The following BRD9 variants were observed in gnomAD, a reference collection of about 807,000 sequenced individuals.
BRD9 encodes bromodomain-containing protein 9.
In BRD9, 47 loss-of-function variants were observed where a neutral mutation model predicts 68.7. The ratio of observed to expected loss-of-function variants is 0.68; its 90% CI spans 0.54 to 0.87. The LOEUF is 0.87. Ranked by LOEUF, BRD9 falls within the 40% of genes least tolerant of loss-of-function variation. BRD9 has a pLI of 0.00. For synonymous variants in BRD9, 313 were observed against 293.9 expected, an observed-to-expected ratio of 1.06 and a Z score of -0.67; for missense variants, 670 against 748.4, an observed-to-expected ratio of 0.90 and a Z score of 1.22.
intron 3 of BRD9, 98 bp from the exon 4 acceptor site, chr5:889,745 G>A (rs368833759): frequency 2.0e-4 from 307 of 1,566,128 alleles, no homozygotes; most frequent in Non-Finnish European, 2.5e-4. Flanking sequence ...GTGTCTCACA[G>A]CATTTTAAGT....
At chr5:883,898 G>T in intron 8 of BRD9, 40 bp downstream of exon 8, 1 of 1,597,912 alleles carries the variant, frequency 6.3e-7, no homozygotes. Flanking sequence ...GAGAGTCTGG[G>T]GCCACGTGGC....
chr5:891,902 C>T, intron 1 of BRD9, 48 bp from the exon 2 acceptor site: 2 of 1,545,778 alleles, frequency 1.3e-6, no homozygotes, highest in Non-Finnish European at 8.7e-7. Flanking sequence ...GGTGCAAACG[C>T]CACGCAGCCA....
chr5:870,292 G>A (rs1318761993), intron 14 of BRD9, 181 bp downstream of exon 14: 4 of 590,548 alleles, frequency 6.8e-6, no homozygotes, highest in Non-Finnish European at 9.1e-6. Flanking sequence ...CAACACTCAG[G>A]AGATTCCAAG....
intron 11 of BRD9, among the ~76,000 whole-genome samples, chr5:876,525 G>A (rs751235611): frequency 1.3e-5 from 2 of 152,164 alleles, no homozygotes. Context: ...CTCGTTATGC[G>A]TTTAAAAACA....
At chr5:870,843 C>T (rs1750031734) in intron 13 of BRD9, among the ~76,000 whole-genome samples, 1 of 152,154 alleles carries the variant, frequency 6.6e-6, no homozygotes, top group African/African-American at 2.4e-5. Flanking sequence ...CTTTTTGGGG[C>T]TAAAGAAATT....
chr5:886,296 G>A (rs933598718), intron 7 of BRD9, among the ~76,000 whole-genome samples: 34 of 152,382 alleles, frequency 2.2e-4, no homozygotes, highest in African/African-American at 8.2e-4. Context: ...GTGCAGGGGA[G>A]GGAGGGGCCA....
chr5:865,713 G>A (rs1749289455), intron 14 of BRD9, 132 bp from the exon 15 acceptor site: 11 of 1,024,942 alleles, frequency 1.1e-5, no homozygotes, highest in Admixed American at 7.3e-5. Context: ...CTGAGTGGAC[G>A]AGCTCACAGC....
At chr5:884,919 C>T (rs753357176) in intron 7 of BRD9, among the ~76,000 whole-genome samples, 4 of 152,250 alleles carry the variant, frequency 2.6e-5, no homozygotes, top group Non-Finnish European at 5.9e-5. Flanking sequence ...TCGGCACGCT[C>T]TCCTGCCTGC....
rs972420999 is a variant in BRD9, at chr5:891,837, G to C, written c.70C>G (p.Leu24Val). The change falls in exon 2 of 16, where the codon CTG (leucine) becomes GTG (valine). Residue 24 changes from leucine to valine, a missense_variant. Physicochemically the swap from Leu to Val is conservative, Grantham distance 32. Around this residue, in one of 5 missense-constraint regions of BRD9, gnomAD observed 161 missense variants for 148.1 expected, o/e 1.09. Transcript: ENST00000467963. ...SSYEDYADKP[L>V]EKPLKLVLKV... is the part of the protein sequence containing the mutation. ...AGGACTAGCTTTAGAGGCTTCTCCA[G>C]GGGCTTGTCGGCATAATCTGCACAG... 2 of 1,551,426 alleles carry C rather than the reference G, an allele frequency of 1.3e-6. No homozygotes were observed. Among genetic ancestry groups the C allele is most frequent in the East Asian group, 4.9e-5 (2 of 40,902 alleles).
In BRD9 at chr5:876,091, T is replaced by A; in HGVS notation, c.1383+10A>T. On this transcript the variant is annotated intron_variant, in intron 12 of 15. Coordinates refer to ENST00000467963, the MANE Select transcript of BRD9 (RefSeq NM_023924.5). ...ACCTGCCCCCCAACCCCGGTGCGAG[T>A]GCAGCCCACCTGCTTCAGCTGGAAG... 6.2e-7 allele frequency: 1 copy of A among 1,601,238 alleles called. No homozygotes were observed. The highest frequency in any genetic ancestry group is 8.5e-7 in the Non-Finnish European group (1 of 1,171,152).
chr5:875,724 T>C (rs1750806372), intron 12 of BRD9, among the ~76,000 whole-genome samples: 1 of 152,092 alleles, frequency 6.6e-6, no homozygotes, highest in South Asian at 2.1e-4. Flanking sequence ...TAAAATTCCA[T>C]ACACAGGGAA....
Position 864,335 on chromosome 5 carries a change from T to C in BRD9, c.*133A>G. 1 of 671,892 alleles carries C rather than the reference T, an allele frequency of 1.5e-6. No individual in the cohort carries two copies. The highest frequency in any genetic ancestry group is 4.1e-4 in the Middle Eastern group (1 of 2,432). 41.6% of individuals were successfully genotyped at this position (671,892 alleles called of 1,614,324 possible). ...TCTGCTGACATGATACCACAGACAA[T>C]TCATTACCTCCCCGCGGCTGCTTCC... On this transcript the variant is annotated 3_prime_UTR_variant, in exon 16 of 16. Coordinates refer to ENST00000467963, the MANE Select transcript of BRD9 (RefSeq NM_023924.5).
Position 889,022 on chromosome 5 carries a change from T to C in BRD9, c.605A>G (p.Lys202Arg). The C allele has an allele frequency of 1.9e-6, 3 of 1,605,202 alleles. No individual in the cohort carries two copies. Among genetic ancestry groups the C allele is most frequent in the Non-Finnish European group, 2.5e-6 (3 of 1,177,196 alleles). Reference sequence around the variant, plus strand: ...CTTCGGGCAATGAAAGTAACTTACCTTAAATTCCGTAACTGACTTGTATTC... The same window carrying C: ...CTTCGGGCAATGAAAGTAACTTACCCTAAATTCCGTAACTGACTTGTATTC... ...ANEYKSVTEF[K>R]ADFKLMCDNA... The change falls in exon 5 of 16, where the codon AAG becomes AGG. Residue 202 changes from lysine to arginine, a missense_variant and splice_region_variant. Physicochemically the swap from Lys to Arg is conservative, Grantham distance 26. This residue lies in a region of BRD9 where 94 missense variants were observed against 157.2 expected (regional missense o/e 0.60). Coordinates refer to ENST00000467963, the MANE Select transcript of BRD9 (RefSeq NM_023924.5).
intron 14 of BRD9, among the ~76,000 whole-genome samples, chr5:866,890 T>A (rs993836207): frequency 5.9e-5 from 9 of 152,176 alleles, no homozygotes; most frequent in Admixed American, 5.2e-4. Context: ...CCCTGCCATG[T>A]GGTAGAAAAG....
intron 12 of BRD9, among the ~76,000 whole-genome samples, chr5:872,481 C>T (rs1013688637): frequency 6.6e-5 from 10 of 152,304 alleles, no homozygotes; most frequent in African/African-American, 1.4e-4. Flanking sequence ...ACTTTCCCTA[C>T]CCCACAGCAA....
rs1452203032 is a variant in BRD9, at chr5:883,003, C to T, written c.966+935G>A. ...GACCACAACCTCCCAACACACGGGC[C>T]ACACAGACTGCAACCTCCCAACACG... On this transcript the variant is annotated intron_variant, in intron 8 of 15. Transcript: ENST00000467963. 3 of 324,190 alleles carry T rather than the reference C, an allele frequency of 9.3e-6. No individual in the cohort carries two copies. The East Asian group carries it at 2.7e-4, about 29-fold the overall frequency. The allele number at this position is 324,190 out of a possible 1,614,324, so 20.1% of individuals were successfully genotyped here.
chr5:884,894 G>A (rs1176980626), intron 7 of BRD9, among the ~76,000 whole-genome samples: 1 of 152,250 alleles, frequency 6.6e-6, no homozygotes, highest in Admixed American at 6.5e-5. Flanking sequence ...ACTAGGTGAA[G>A]GTGACTGCCT....
chr5:864,311 C>T lies in BRD9; in HGVS notation c.*157G>A. 1.7e-6 allele frequency: 1 copy of T among 583,464 alleles called. No homozygotes were observed. The highest frequency in any genetic ancestry group is 1.9e-5 in the African/African-American group (1 of 53,214). 36.1% of individuals were successfully genotyped at this position (583,464 alleles called of 1,614,324 possible). On this transcript the variant is annotated 3_prime_UTR_variant, in exon 16 of 16. Transcript: ENST00000467963. ...TCAGGGTTCGTGGGGCTTGGAGACT[C>T]TGCTGACATGATACCACAGACAATT...
intron 1 of BRD9, 198 bp from the exon 2 acceptor site, chr5:892,052 A>C (rs1753506124): frequency 1.2e-6 from 1 of 853,404 alleles, no homozygotes; most frequent in African/African-American, 1.7e-5. Context: ...CTCCGCAGGG[A>C]GCTTCAGGTC....
Sources: gnomAD v4.1 joint callset for allele counts (sites outside exome capture counted in the v4.1 genomes callset) on GRCh38, gnomAD v4.1.1 for gene constraint, gnomAD v4.1.1 regional missense constraint, MANE v1.5 for transcripts, NCBI Gene and HGNC (gene_info 2026-07-23, HGNC 2026-07-21) for gene names.